Variants in NCAM1 observed in about 807,000 individuals in gnomAD.
NCAM1 encodes antigen recognized by monoclonal antibody 5.1H11.
Under a neutral mutation model 109.8 loss-of-function variants are expected in NCAM1, and 14 were observed. That is an observed-to-expected ratio of 0.13 (90% CI 0.08 to 0.20). The LOEUF (loss-of-function observed/expected upper bound fraction) is 0.20. Ranked by LOEUF, NCAM1 falls within the 10% of genes least tolerant of loss-of-function variation. The pLI is 1.00. For missense variants in NCAM1, 774 were observed against 1,109.9 expected, an observed-to-expected ratio of 0.70 and a Z score of 4.30; for synonymous variants, 418 against 442.9, an observed-to-expected ratio of 0.94 and a Z score of 0.70.
At chr11:113,060,139 T>C (rs1206252069) in intron 1 of NCAM1, among the ~76,000 whole-genome samples, 1 of 152,260 alleles carries the variant, frequency 6.6e-6, no homozygotes, top group Non-Finnish European at 1.5e-5. Context: ...CTAGGTTTTG[T>C]AGATCTTGGT....
intron 1 of NCAM1, among the ~76,000 whole-genome samples, chr11:113,094,953 T>G (rs559720219): frequency 6.6e-6 from 1 of 152,352 alleles, no homozygotes; most frequent in African/African-American, 2.4e-5. Flanking sequence ...AGGGCTTTTA[T>G]AAATAGGGAA....
intron 9 of NCAM1, among the ~76,000 whole-genome samples, chr11:113,227,915 T>C (rs965642996): frequency 3.3e-5 from 5 of 152,268 alleles, no homozygotes; most frequent in South Asian, 2.1e-4. Context: ...AATAAATTGG[T>C]ACTGATGGGA....
intron 1 of NCAM1, among the ~76,000 whole-genome samples, chr11:112,971,349 C>T (rs185307310): frequency 3.4e-4 from 52 of 151,742 alleles, no homozygotes; most frequent in Middle Eastern, 3.4e-3. Flanking sequence ...CTACTGTCAT[C>T]GAAGGAAGAA....
At position 113,047,772 on chromosome 11, in the gene NCAM1, G is replaced by A. The variant is rs1274202047; in HGVS notation, c.52+86108G>A. 3.9e-5 allele frequency among the ~76,000 whole-genome samples: 6 copies of A among 152,270 alleles called. No homozygotes were observed. In the South Asian group the frequency reaches 8.3e-4, roughly 21 times the overall value. ...TCCTTCTTCACATGGTGGCAGCAAGGAGAAGTGCAGGGGAACTCCCCTTTA... is the reference window on the plus strand; with the variant it reads ...TCCTTCTTCACATGGTGGCAGCAAGAAGAAGTGCAGGGGAACTCCCCTTTA... On this transcript the variant is annotated intron_variant, in intron 1 of 19. Transcript: ENST00000316851.
At chr11:113,267,647 G>A (rs1473208266) in intron 17 of NCAM1, among the ~76,000 whole-genome samples, 1 of 152,186 alleles carries the variant, frequency 6.6e-6, no homozygotes, top group Non-Finnish European at 1.5e-5. Flanking sequence ...AGCAGATGGT[G>A]GGCCTTTTAG....
At chr11:113,241,245 A>T (rs1411962366) in intron 14 of NCAM1, among the ~76,000 whole-genome samples, 1 of 152,226 alleles carries the variant, frequency 6.6e-6, no homozygotes, top group Admixed American at 6.5e-5. Context: ...CTTCATTTTA[A>T]TTGGCACAGT....
chr11:113,187,111 T>G (rs1555109009), intron 1 of NCAM1, among the ~76,000 whole-genome samples: 1 of 152,236 alleles, frequency 6.6e-6, no homozygotes, highest in African/African-American at 2.4e-5. Context: ...AAGCCTCATA[T>G]CTGAGCTGAA....
At position 113,029,342 on chromosome 11, in the gene NCAM1, C is replaced by T. The variant is rs528973843; in HGVS notation, c.52+67678C>T. Among the ~76,000 whole-genome samples, 97 of 152,260 alleles carry T rather than the reference C, an allele frequency of 6.4e-4. 1 individual carries two copies. Among genetic ancestry groups the T allele is most frequent in the African/African-American group, 2.3e-3 (95 of 41,536 alleles). On this transcript the variant is annotated intron_variant, in intron 1 of 19. Transcript: ENST00000316851. ...AATACACGCAATGGGGTTAAGAAGT[C>T]AAATAGTTTAACAGAAGGCTCTATG...
intron 1 of NCAM1, among the ~76,000 whole-genome samples, chr11:113,192,077 G>A (rs899622370): frequency 2.6e-5 from 4 of 152,250 alleles, no homozygotes; most frequent in Non-Finnish European, 4.4e-5. Context: ...TTCTTGCCAT[G>A]TTGGCAAAAG....
chr11:113,045,126 C>T (rs1953221432), intron 1 of NCAM1, among the ~76,000 whole-genome samples: 1 of 152,160 alleles, frequency 6.6e-6, no homozygotes, highest in Admixed American at 6.5e-5. Context: ...TTAGTGTATT[C>T]GTTAAACACA....
Position 113,271,770 on chromosome 11 carries a change from T to G in NCAM1, c.2350T>G (p.Ser784Ala). ...GTACTGTCTCCACAGGAAAGATGAG[T>G]CCAAGGAGCCCATCGTGGAGGTTCG... Reference protein sequence around the residue: ...EGKAAFSKDESKEPIVEVRTE... With the variant: ...EGKAAFSKDEAKEPIVEVRTE... The change falls in exon 19 of 20, where the codon TCC becomes GCC. Residue 784 changes from serine (S) to alanine (A), a missense_variant. Physicochemically the swap from Ser to Ala is moderately conservative, Grantham distance 99 (BLOSUM62 1). Coordinates refer to ENST00000316851, the MANE Select transcript of NCAM1 (RefSeq NM_181351.5). 1 of 1,556,714 alleles carries G rather than the reference T, an allele frequency of 6.4e-7. No individual in the cohort carries two copies. The highest frequency in any genetic ancestry group is 1.2e-5 in the South Asian group (1 of 84,180).
intron 1 of NCAM1, among the ~76,000 whole-genome samples, chr11:113,085,360 T>C (rs548527201): frequency 2.6e-5 from 4 of 152,346 alleles, no homozygotes; most frequent in Admixed American, 2.6e-4. Context: ...TGAGACATGG[T>C]TGGCCACTGT....
At chr11:113,070,600 A>T (rs551953531) in intron 1 of NCAM1, among the ~76,000 whole-genome samples, 1 of 152,160 alleles carries the variant, frequency 6.6e-6, no homozygotes, top group East Asian at 1.9e-4. Context: ...GAAGGGTACA[A>T]GTGGGAGAAG....
chr11:113,277,515 G>T lies in NCAM1; in HGVS notation c.*2128G>T. The T allele has an allele frequency of 2.5e-6, 1 of 398,462 alleles. No individual in the cohort carries two copies. Among genetic ancestry groups the T allele is most frequent in the South Asian group, 1.3e-4 (1 of 7,654 alleles). The allele number at this position is 398,462 out of a possible 1,614,324, so 24.7% of individuals were successfully genotyped here. On this transcript the variant is annotated 3_prime_UTR_variant, in exon 20 of 20. Transcript: ENST00000316851. The stretch of plus-strand genomic sequence containing the variant: ...TGTGAGAGCCTGGGTGTCTGAGACC[G>T]GGAGGGCCCAGCAGTGAGGGGCAGG...
At chr11:113,146,794 C>T (rs1942033839) in intron 1 of NCAM1, among the ~76,000 whole-genome samples, 1 of 151,992 alleles carries the variant, frequency 6.6e-6, no homozygotes, top group Non-Finnish European at 1.5e-5. Context: ...CTGTTACTAC[C>T]TTAGCAGGTC....
chr11:113,253,122 A>AT (rs1367678387), intron 15 of NCAM1, among the ~76,000 whole-genome samples: 1 of 151,976 alleles, frequency 6.6e-6, no homozygotes, highest in Non-Finnish European at 1.5e-5. Context: ...TTCAAATTAC[A>AT]TTTTTTCTGA....
intron 1 of NCAM1, among the ~76,000 whole-genome samples, chr11:112,988,991 G>A (rs1316661460): frequency 6.6e-6 from 1 of 152,034 alleles, no homozygotes; most frequent in Admixed American, 6.6e-5. Context: ...CAAGTGATAT[G>A]CCCACCTTGG....
At chr11:113,271,130 G>A (rs1591477009) in intron 18 of NCAM1, among the ~76,000 whole-genome samples, 1 of 152,190 alleles carries the variant, frequency 6.6e-6, no homozygotes, top group East Asian at 1.9e-4. Flanking sequence ...AGCACTTTGG[G>A]AGGCCGAGAT....
intron 1 of NCAM1, among the ~76,000 whole-genome samples, chr11:113,151,598 T>C (rs2136274220): frequency 6.6e-6 from 1 of 152,360 alleles, no homozygotes; most frequent in South Asian, 2.1e-4. Flanking sequence ...AGCCCAGCAT[T>C]CCACTCACTA....
Sources: allele counts gnomAD v4.1 joint callset (sites outside exome capture counted in the v4.1 genomes callset), GRCh38; gene constraint gnomAD v4.1.1; transcripts MANE v1.5; gene names NCBI Gene and HGNC (gene_info 2026-07-23, HGNC 2026-07-21).